Variants in SAP30BP observed in about 807,000 individuals in gnomAD.
SAP30BP encodes the protein SAP30-binding protein.
A neutral mutation model predicts 46.3 loss-of-function variants in SAP30BP; 31 were observed. That is an observed-to-expected ratio of 0.67 (90% CI 0.50 to 0.90). SAP30BP has a LOEUF of 0.90. Ranked by LOEUF, SAP30BP falls within the 40% of genes least tolerant of loss-of-function variation. The pLI is 0.00. For missense variants in SAP30BP, 312 were observed against 391.0 expected (o/e 0.80, Z 1.70); for synonymous variants, 169 against 144.2 (o/e 1.17, Z -1.23).
intron 5 of SAP30BP, among the ~76,000 whole-genome samples, chr17:75,702,279 C>A (rs1033483330): frequency 2.6e-5 from 4 of 152,140 alleles, no homozygotes; most frequent in African/African-American, 7.2e-5. Flanking sequence ...CCGCCTCAGC[C>A]TCCCAAAGTT....
intron 3 of SAP30BP, among the ~76,000 whole-genome samples, chr17:75,674,379 C>G (rs866572227): frequency 2.0e-5 from 3 of 152,226 alleles, no homozygotes; most frequent in Middle Eastern, 3.4e-3. Flanking sequence ...AGTGCAACCT[C>G]CGCCTCCTGG....
intron 2 of SAP30BP, 45 bp downstream of exon 2, chr17:75,668,670 A>C: frequency 8.0e-5 from 105 of 1,307,148 alleles, no homozygotes; most frequent in Non-Finnish European, 1.1e-4. Flanking sequence ...GCACAATTTC[A>C]TTTGTCAGAT....
At position 75,703,820 on chromosome 17, in the gene SAP30BP, C is replaced by G; in HGVS notation, c.562C>G (p.Pro188Ala). The G allele has an allele frequency of 3.7e-6, 6 of 1,613,722 alleles. No individual in the cohort carries two copies. Among genetic ancestry groups the G allele is most frequent in the Non-Finnish European group, 5.1e-6 (6 of 1,179,606 alleles). Residue 188 changes from proline (P) to alanine (A), a missense_variant, in exon 8 of 11, where the codon CCC becomes GCC. Pro to Ala is a conservative substitution (Grantham distance 27, BLOSUM62 -1). This residue lies in a region of SAP30BP where 296 missense variants were observed against 346.6 expected (regional missense o/e 0.85). Coordinates refer to ENST00000584667, the MANE Select transcript of SAP30BP (RefSeq NM_013260.8). ...TTTTCCTTTGCAGGATATGTTTGAT[C>G]CCCATGGCTGGTCTGAGGACTCCTA... ...GTNYPKDMFD[P>A]HGWSEDSYYE... is the part of the protein sequence containing the mutation.
At position 75,706,722 on chromosome 17, in the gene SAP30BP, T is replaced by TG. The variant is rs1305830587; in HGVS notation, c.*205dup. 5 of 587,044 alleles carry TG rather than the reference T, an allele frequency of 8.5e-6. No homozygotes were observed. Among genetic ancestry groups the TG allele is most frequent in the Non-Finnish European group, 1.5e-5 (5 of 330,514 alleles). 36.4% of individuals were successfully genotyped at this position (587,044 alleles called of 1,614,324 possible). A position where few individuals can be genotyped will look rare whatever the true frequency, so the allele number is the denominator to read the frequency against. On this transcript the variant is annotated 3_prime_UTR_variant, in exon 11 of 11. Transcript: ENST00000584667. The surrounding 1 kb of genome is among the most constrained non-coding windows in gnomAD (Gnocchi z 4.6). The stretch of plus-strand genomic sequence containing the variant: ...GGACAGGGTCTGTCCACGCACCACC[T>TG]GGGGTCTGCCGCCTATTAAAAGTGC...
At chr17:75,700,209 T>G (rs766359663) in intron 5 of SAP30BP, 11 of 176,728 alleles carry the variant, frequency 6.2e-5, no homozygotes, top group Non-Finnish European at 1.2e-4. Context: ...AGAGCTTTGC[T>G]AAGAAACTGA....
intron 3 of SAP30BP, among the ~76,000 whole-genome samples, chr17:75,674,596 C>A (rs374650161): frequency 6.6e-6 from 1 of 151,542 alleles, no homozygotes; most frequent in Non-Finnish European, 1.5e-5. Flanking sequence ...GTGCCCAGCC[C>A]ACATTTTTTT....
chr17:75,697,701 C>T (rs2148412912), intron 4 of SAP30BP, among the ~76,000 whole-genome samples: 2 of 152,340 alleles, frequency 1.3e-5, no homozygotes, highest in Middle Eastern at 6.8e-3. Flanking sequence ...TGGCCCCAGG[C>T]TCGACTCCTG....
At chr17:75,703,481 G>T in intron 7 of SAP30BP, 110 bp downstream of exon 7, 1 of 894,928 alleles carries the variant, frequency 1.1e-6, no homozygotes, top group Non-Finnish European at 1.8e-6. Flanking sequence ...GGCACGGCTC[G>T]TTGAAAGCAC....
chr17:75,694,481 G>A (rs1470847221), intron 4 of SAP30BP, among the ~76,000 whole-genome samples: 3 of 152,228 alleles, frequency 2.0e-5, no homozygotes, highest in African/African-American at 7.2e-5. Flanking sequence ...CTCTGATGGA[G>A]TTTCAGTCTT....
intron 1 of SAP30BP, among the ~76,000 whole-genome samples, 194 bp downstream of exon 1, chr17:75,667,672 G>A (rs1222547417): frequency 2.6e-5 from 4 of 152,168 alleles, no homozygotes; most frequent in Admixed American, 2.0e-4. Flanking sequence ...CCGTTATTTC[G>A]ATTAATTTGC....
intron 8 of SAP30BP, 108 bp downstream of exon 8, chr17:75,703,967 C>A: frequency 1.2e-6 from 1 of 867,602 alleles, no homozygotes; most frequent in Non-Finnish European, 2.0e-6. Context: ...TACTCTATGT[C>A]AGGCCATGTT....
chr17:75,676,255 A>G (rs997505523), intron 3 of SAP30BP, among the ~76,000 whole-genome samples: 7 of 152,334 alleles, frequency 4.6e-5, no homozygotes, highest in South Asian at 2.1e-4. Flanking sequence ...TTACCCATAC[A>G]TGATTTGATA....
At position 75,693,427 on chromosome 17, in the gene SAP30BP, T is replaced by C. The variant is rs1370063437; in HGVS notation, c.265-13T>C. On this transcript the variant is annotated splice_polypyrimidine_tract_variant and intron_variant, in intron 3 of 10. Coordinates refer to ENST00000584667, the MANE Select transcript of SAP30BP (RefSeq NM_013260.8). ...CCCAGTCTTACCTCCTCGTATTTGT[T>C]TGTCTTTTGCAGGATAATACAGAAG... 1 of 1,613,372 alleles carries C rather than the reference T, an allele frequency of 6.2e-7. No individual in the cohort carries two copies. The highest frequency in any genetic ancestry group is 8.5e-7 in the Non-Finnish European group (1 of 1,179,348).
At chr17:75,678,853 C>T (rs555700231) in intron 3 of SAP30BP, among the ~76,000 whole-genome samples, 1 of 152,300 alleles carries the variant, frequency 6.6e-6, no homozygotes, top group East Asian at 1.9e-4. Flanking sequence ...CAGCCTGAGG[C>T]AGACCTGAAG....
chr17:75,677,587 G>A (rs932594212), intron 3 of SAP30BP, among the ~76,000 whole-genome samples: 3 of 149,568 alleles, frequency 2.0e-5, no homozygotes, highest in Non-Finnish European at 3.0e-5. Flanking sequence ...GTGAACCACC[G>A]TGCCTGACTA....
At position 75,668,613 on chromosome 17, in the gene SAP30BP, C is replaced by G; in HGVS notation, c.204C>G (p.Asn68Lys). 1 of 1,591,422 alleles carries G rather than the reference C, an allele frequency of 6.3e-7. No homozygotes were observed. The highest frequency in any genetic ancestry group is 1.1e-5 in the South Asian group (1 of 88,262). The change falls in exon 2 of 11, where the codon AAC (asparagine) becomes AAG (lysine). Residue 68 changes from asparagine to lysine, a missense_variant. Physicochemically the swap from Asn to Lys is moderately conservative, Grantham distance 94. Coordinates refer to ENST00000584667, the MANE Select transcript of SAP30BP (RefSeq NM_013260.8). ...GTTATGAAGAAGAAGAAGATGAGAA[C>G]AGTAGACAGTCGGTAGGTAAATCTC... is the stretch of plus-strand genomic sequence containing the variant. ...EDGYEEEEDE[N>K]SRQSEDDDSE...
chr17:75,697,193 GTC>G (rs1443612679), intron 4 of SAP30BP, among the ~76,000 whole-genome samples: 1 of 152,204 alleles, frequency 6.6e-6, no homozygotes, highest in Non-Finnish European at 1.5e-5. Context: ...GGCACTCTTT[GTC>G]TCTCTGTCAC....
intron 3 of SAP30BP, among the ~76,000 whole-genome samples, chr17:75,678,544 C>T (rs932900946): frequency 1.3e-4 from 19 of 151,856 alleles, no homozygotes; most frequent in African/African-American, 4.6e-4. Context: ...TCCAGAGGGC[C>T]GGCTGTACTC....
chr17:75,706,263 C>A lies in SAP30BP; in HGVS notation c.746-77C>A. ...CTTCGGGGTCTGCTCCCTAGACTCC[C>A]GCTGGCCTGCAGGGGGAAGGGAAAG... On this transcript the variant is annotated intron_variant, in intron 10 of 10. Transcript: ENST00000584667. The surrounding 1 kb of genome is among the most constrained non-coding windows in gnomAD (Gnocchi z 4.6). 1 of 1,553,436 alleles carries A rather than the reference C, an allele frequency of 6.4e-7. No homozygotes were observed. Among genetic ancestry groups the A allele is most frequent in the Non-Finnish European group, 8.8e-7 (1 of 1,141,644 alleles).
Sources: allele counts gnomAD v4.1 joint callset (sites outside exome capture counted in the v4.1 genomes callset), GRCh38; gene constraint gnomAD v4.1.1; regional missense constraint gnomAD v4.1.1; non-coding constraint Gnocchi (gnomAD v3.1); transcripts MANE v1.5; gene names NCBI Gene and HGNC (gene_info 2026-07-23, HGNC 2026-07-21).